The following CNTN3 variants were observed in gnomAD, a reference collection of about 807,000 sequenced individuals.
CNTN3 encodes contactin 3.
In CNTN3, 60 loss-of-function variants were observed where a neutral mutation model predicts 119.1. The observed-to-expected ratio is 0.50, with a 90% CI of 0.41 to 0.62. The LOEUF (loss-of-function observed/expected upper bound fraction) is 0.62, where lower values mean the gene tolerates loss of function less well. CNTN3 is among the 20% of genes least tolerant of loss of function. CNTN3 has a pLI of 0.00. For missense variants in CNTN3, 1,101 were observed against 1,242.4 expected (o/e 0.89, Z 1.71); for synonymous variants, 450 against 438.7 (o/e 1.03, Z -0.32).
At chr3:74,455,014 T>C (rs1418906368) in intron 4 of CNTN3, among the ~76,000 whole-genome samples, 1 of 152,132 alleles carries the variant, frequency 6.6e-6, no homozygotes, top group African/African-American at 2.4e-5. Context: ...AGAGTATCTT[T>C]GTCGTGTTCT....
intron 1 of CNTN3, among the ~76,000 whole-genome samples, chr3:74,607,712 A>G (rs1404698345): frequency 6.6e-6 from 1 of 152,226 alleles, no homozygotes; most frequent in Non-Finnish European, 1.5e-5. Context: ...TTTAAGAACA[A>G]GACAAATATT....
intron 5 of CNTN3, among the ~76,000 whole-genome samples, chr3:74,418,158 C>A (rs1701555288): frequency 6.6e-6 from 1 of 152,006 alleles, no homozygotes; most frequent in Non-Finnish European, 1.5e-5. Context: ...ACCTCTGATG[C>A]AAATGTGATG....
chr3:74,394,415 T>C (rs1704993694), intron 5 of CNTN3, among the ~76,000 whole-genome samples: 1 of 152,144 alleles, frequency 6.6e-6, no homozygotes, highest in South Asian at 2.1e-4. Context: ...AATTTTTAAA[T>C]CCATTATAGA....
chr3:74,453,501 G>T (rs1702202505), intron 4 of CNTN3, among the ~76,000 whole-genome samples: 1 of 151,782 alleles, frequency 6.6e-6, no homozygotes, highest in African/African-American at 2.4e-5. Context: ...AGGGTTTTTT[G>T]TGTCTCTATT....
intron 1 of CNTN3, among the ~76,000 whole-genome samples, chr3:74,564,434 T>C (rs910462679): frequency 6.6e-6 from 1 of 151,820 alleles, no homozygotes; most frequent in Non-Finnish European, 1.5e-5. Context: ...TGTTGGAATG[T>C]TTTCAGCAAG....
chr3:74,588,779 C>T (rs1235457443), intron 1 of CNTN3, among the ~76,000 whole-genome samples: 1 of 152,108 alleles, frequency 6.6e-6, no homozygotes, highest in African/African-American at 2.4e-5. Context: ...TGGAACAGAA[C>T]AGAGCCCTCA....
At chr3:74,435,630 G>T (rs1267091441) in intron 4 of CNTN3, among the ~76,000 whole-genome samples, 6 of 152,180 alleles carry the variant, frequency 3.9e-5, no homozygotes, top group Non-Finnish European at 8.8e-5. Flanking sequence ...GGAATTAATA[G>T]ATGGATGGCT....
At position 74,590,015 on chromosome 3, in the gene CNTN3, G is replaced by A. The variant is rs147839733; in HGVS notation, c.-81+24376C>T. Among the ~76,000 whole-genome samples the A allele has an allele frequency of 6.6e-3, 992 of 150,230 alleles. 7 individuals are homozygous for A. The highest frequency in any genetic ancestry group is 0.023 in the African/African-American group (936 of 40,710). ...GGAGATATACCTAATGCTAAATGAC[G>A]AGTTAATGGGTGCAGCTCACCAGCA... On this transcript the variant is annotated intron_variant, in intron 1 of 22. Transcript: ENST00000263665.
intron 1 of CNTN3, among the ~76,000 whole-genome samples, chr3:74,606,246 T>G (rs938447566): frequency 6.6e-6 from 1 of 152,016 alleles, no homozygotes; most frequent in African/African-American, 2.4e-5. Flanking sequence ...AAGAAGAGAT[T>G]GAGTAACTTT....
At chr3:74,361,826 A>T in intron 11 of CNTN3, 64 bp downstream of exon 11, 1 of 1,482,350 alleles carries the variant, frequency 6.7e-7, no homozygotes. Context: ...TTTAAAACCT[A>T]TGTTGACATC....
chr3:74,611,103 T>C (rs187548873), intron 1 of CNTN3, among the ~76,000 whole-genome samples: 2 of 152,312 alleles, frequency 1.3e-5, no homozygotes, highest in Non-Finnish European at 2.9e-5. Flanking sequence ...CCTAAGAGAA[T>C]GCTATGGAAT....
At chr3:74,520,036 T>A (rs1274578902) in intron 2 of CNTN3, among the ~76,000 whole-genome samples, 1 of 151,606 alleles carries the variant, frequency 6.6e-6, no homozygotes, top group Non-Finnish European at 1.5e-5. Context: ...TTTACCTGAC[T>A]ACTCCATTTG....
chr3:74,606,031 C>T (rs751378593), intron 1 of CNTN3, among the ~76,000 whole-genome samples: 4 of 152,016 alleles, frequency 2.6e-5, no homozygotes, highest in African/African-American at 2.4e-5. Context: ...TCCCATCCTG[C>T]CCTCTCCCCT....
chr3:74,348,918 T>TA (rs371516770), intron 11 of CNTN3, among the ~76,000 whole-genome samples: 185 of 147,466 alleles, frequency 1.3e-3, no homozygotes, highest in South Asian at 1.7e-3. Flanking sequence ...CCCATCTCTA[T>TA]AAAAAAAAAA....
intron 1 of CNTN3, among the ~76,000 whole-genome samples, chr3:74,554,131 C>T (rs573691226): frequency 6.6e-6 from 1 of 152,286 alleles, no homozygotes; most frequent in Admixed American, 6.5e-5. Context: ...CAGTTTTCTG[C>T]ATATGGCTAG....
intron 2 of CNTN3, among the ~76,000 whole-genome samples, chr3:74,500,623 G>A (rs1243345464): frequency 1.3e-5 from 2 of 151,546 alleles, no homozygotes; most frequent in African/African-American, 4.8e-5. Flanking sequence ...CAAAGAATCC[G>A]TGAAAAGTCA....
chr3:74,438,347 G>A (rs993119100), intron 4 of CNTN3, among the ~76,000 whole-genome samples: 1 of 152,106 alleles, frequency 6.6e-6, no homozygotes, highest in Non-Finnish European at 1.5e-5. Flanking sequence ...GAAAAATGAA[G>A]ATAACATAAC....
At chr3:74,352,503 T>A (rs1157236056) in intron 11 of CNTN3, among the ~76,000 whole-genome samples, 2 of 152,212 alleles carry the variant, frequency 1.3e-5, no homozygotes, top group East Asian at 3.9e-4. Flanking sequence ...GTTTGTTGAA[T>A]AACTTCCATG....
chr3:74,499,858 A>C, intron 2 of CNTN3, 73 bp from the exon 3 acceptor site: 1 of 1,441,540 alleles, frequency 6.9e-7, no homozygotes. Flanking sequence ...TCCAGTATTG[A>C]AGAAAACAAG....
Sources: gnomAD v4.1 joint callset for allele counts (sites outside exome capture counted in the v4.1 genomes callset) on GRCh38, gnomAD v4.1.1 for gene constraint, MANE v1.5 for transcripts, NCBI Gene and HGNC (gene_info 2026-07-23, HGNC 2026-07-21) for gene names.